Variants in B3GALT1 observed in about 807,000 individuals in gnomAD.
The protein encoded by B3GALT1 is UDP-Gal:betaGlcNAc beta 1,3-galactosyltransferase, polypeptide 1.
In B3GALT1, 10 loss-of-function variants were observed where a neutral mutation model predicts 23.2. The observed-to-expected ratio is 0.43, with a 90% CI of 0.27 to 0.73. B3GALT1 has a LOEUF of 0.73. Ranked by LOEUF, B3GALT1 falls within the 30% of genes least tolerant of loss-of-function variation. The pLI is 0.21. For synonymous variants in B3GALT1, 156 were observed against 141.5 expected (o/e 1.10, Z -0.73); for missense variants, 299 against 405.4 (o/e 0.74, Z 2.25).
At chr2:167,609,021 C>CA (rs146772248) in intron 2 of B3GALT1, among the ~76,000 whole-genome samples, 2,167 of 152,144 alleles carry the variant, frequency 0.014, 61 homozygotes, top group African/African-American at 0.049. Flanking sequence ...ACAAATATTA[C>CA]ACTTATTGAT....
chr2:167,855,820 A>G (rs1017632808), intron 4 of B3GALT1, among the ~76,000 whole-genome samples: 1 of 152,126 alleles, frequency 6.6e-6, no homozygotes, highest in African/African-American at 2.4e-5. Flanking sequence ...TGTCTGATGG[A>G]CTTTCAAATT....
At chr2:167,599,253 G>C (rs193215439) in intron 2 of B3GALT1, among the ~76,000 whole-genome samples, 18 of 152,260 alleles carry the variant, frequency 1.2e-4, no homozygotes, top group African/African-American at 4.1e-4. Flanking sequence ...TGATGAAAAG[G>C]ATTTCATTCT....
intron 2 of B3GALT1, among the ~76,000 whole-genome samples, chr2:167,530,954 G>A (rs950365575): frequency 6.6e-6 from 1 of 152,172 alleles, no homozygotes; most frequent in African/African-American, 2.4e-5. Flanking sequence ...ACTAATGCTT[G>A]TTGTATGTAG....
At chr2:167,815,032 C>T (rs1474037896) in intron 3 of B3GALT1, 4 of 152,246 alleles carry the variant, frequency 2.6e-5, no homozygotes, top group Non-Finnish European at 5.9e-5. Flanking sequence ...TGGCCTGGCA[C>T]GCACTGGACT....
intron 3 of B3GALT1, among the ~76,000 whole-genome samples, chr2:167,809,054 CCTTT>C (rs1157210607): frequency 3.3e-5 from 5 of 152,194 alleles, no homozygotes; most frequent in African/African-American, 9.6e-5. Context: ...TCACTGATAC[CCTTT>C]CTTTCAGTTG....
chr2:167,380,187 G>A (rs563619124), intron 1 of B3GALT1, among the ~76,000 whole-genome samples: 1 of 152,166 alleles, frequency 6.6e-6, no homozygotes, highest in Non-Finnish European at 1.5e-5. Flanking sequence ...GAGGTTCTCT[G>A]CACAGAAGGA....
At chr2:167,700,598 G>A (rs115265800) in intron 3 of B3GALT1, among the ~76,000 whole-genome samples, 2,775 of 152,144 alleles carry the variant, frequency 0.018, 41 homozygotes, top group Non-Finnish European at 0.023. Context: ...GAAACAGAGG[G>A]AATAAATTAA....
chr2:167,497,389 C>T (rs1356233947), intron 2 of B3GALT1, among the ~76,000 whole-genome samples: 5 of 152,058 alleles, frequency 3.3e-5, no homozygotes, highest in Admixed American at 1.3e-4. Context: ...TGCCAAAACT[C>T]CAAAGTGGGA....
chr2:167,744,456 T>C (rs2105279403), intron 3 of B3GALT1, among the ~76,000 whole-genome samples: 1 of 152,330 alleles, frequency 6.6e-6, no homozygotes, highest in East Asian at 1.9e-4. Context: ...GTTTGTAGTG[T>C]CCATTCCTAT....
In B3GALT1 at chr2:167,574,554, A is replaced by G. The variant is rs181843566; in HGVS notation, c.-409-72355A>G. Among the ~76,000 whole-genome samples the G allele has an allele frequency of 1.2e-4, 18 of 151,812 alleles. No individual in the cohort carries two copies. The East Asian group carries it at 3.3e-3, about 28-fold the overall frequency. On this transcript the variant is annotated intron_variant, in intron 2 of 4. Transcript: ENST00000392690. ...TGAAGGGACTAAGTCACAGGCTACA[A>G]TTTCACTTGGATATCTAGATTGCTG...
intron 1 of B3GALT1, among the ~76,000 whole-genome samples, chr2:167,375,838 T>C (rs1221200975): frequency 6.6e-6 from 1 of 152,184 alleles, no homozygotes; most frequent in African/African-American, 2.4e-5. Flanking sequence ...TGCCTGCTGC[T>C]CTGGCTAGTG....
chr2:167,619,941 A>C (rs1431742998), intron 2 of B3GALT1, among the ~76,000 whole-genome samples: 1 of 152,166 alleles, frequency 6.6e-6, no homozygotes, highest in Non-Finnish European at 1.5e-5. Context: ...TAAACATTAA[A>C]CAAACAAATA....
intron 3 of B3GALT1, among the ~76,000 whole-genome samples, chr2:167,784,158 G>A (rs938336085): frequency 2.0e-5 from 3 of 152,100 alleles, no homozygotes; most frequent in Non-Finnish European, 4.4e-5. Flanking sequence ...TTTCTAGCAG[G>A]TCAGCTAAAA....
chr2:167,428,177 G>A (rs1698652160), intron 1 of B3GALT1, among the ~76,000 whole-genome samples: 1 of 152,154 alleles, frequency 6.6e-6, no homozygotes, highest in African/African-American at 2.4e-5. Flanking sequence ...ATAAGGATAG[G>A]CAAACAAATG....
chr2:167,825,208 C>T (rs1226789890), intron 4 of B3GALT1, among the ~76,000 whole-genome samples: 3 of 144,744 alleles, frequency 2.1e-5, no homozygotes, highest in African/African-American at 7.7e-5. Context: ...GGCGTGAACC[C>T]GGGAGGCGAA....
At chr2:167,741,153 A>G (rs1042531619) in intron 3 of B3GALT1, among the ~76,000 whole-genome samples, 3 of 152,172 alleles carry the variant, frequency 2.0e-5, no homozygotes, top group African/African-American at 7.2e-5. Flanking sequence ...TTGTATCTAT[A>G]TAGGCCAGAT....
intron 3 of B3GALT1, among the ~76,000 whole-genome samples, chr2:167,684,654 T>C (rs2105495850): frequency 6.6e-6 from 1 of 152,372 alleles, no homozygotes; most frequent in South Asian, 2.1e-4. Flanking sequence ...TATGGTGATA[T>C]TTTGTAACAC....
At chr2:167,507,504 CAAAAAAAAAAAAA>C (rs60408245) in intron 2 of B3GALT1, among the ~76,000 whole-genome samples, 8 of 26,608 alleles carry the variant, frequency 3.0e-4, no homozygotes, top group Admixed American at 2.0e-3. Flanking sequence ...GACTCCGTCT[CAAAAAAAAAAAAA>C]AAAAAAAAAA....
At chr2:167,404,867 C>T (rs1448694559) in intron 1 of B3GALT1, among the ~76,000 whole-genome samples, 7 of 152,122 alleles carry the variant, frequency 4.6e-5, no homozygotes, top group Admixed American at 6.5e-5. Context: ...AATTGCTGTC[C>T]CTTTATTTCC....
Sources: gnomAD v4.1 joint callset for allele counts (sites outside exome capture counted in the v4.1 genomes callset) on GRCh38, gnomAD v4.1.1 for gene constraint, MANE v1.5 for transcripts, NCBI Gene and HGNC (gene_info 2026-07-23, HGNC 2026-07-21) for gene names.